GRID2: variants seen among roughly 807,000 people sequenced by gnomAD.
GRID2 encodes the protein glutamate ionotropic receptor delta type subunit 2, also known as glutamate receptor ionotropic, delta-2.
Under a neutral mutation model 114.8 loss-of-function variants are expected in GRID2, and 33 were observed. That is an observed-to-expected ratio of 0.29 (90% CI 0.22 to 0.38). The LOEUF is 0.38. Among genes scored for constraint, GRID2 ranks in the 10% least tolerant of loss-of-function variants. The pLI is 1.00. For synonymous variants in GRID2, 505 were observed against 449.9 expected (o/e 1.12, Z -1.55); for missense variants, 1,184 against 1,257.7 (o/e 0.94, Z 0.89).
chr4:92,502,705 C>CTTTTTTTTTTT (rs70940901), intron 1 of GRID2, among the ~76,000 whole-genome samples: 1 of 63,942 alleles, frequency 1.6e-5, no homozygotes, highest in Non-Finnish European at 2.7e-5. Context: ...CATGTGATTT[C>CTTTTTTTTTTT]TTTTTTTTTT....
intron 2 of GRID2, among the ~76,000 whole-genome samples, chr4:93,066,134 A>G (rs1046816725): frequency 1.3e-5 from 2 of 151,940 alleles, no homozygotes; most frequent in Non-Finnish European, 2.9e-5. Context: ...CAGAGCATAC[A>G]CATGTAACCA....
At chr4:93,569,153 C>T (rs1230800798) in intron 13 of GRID2, among the ~76,000 whole-genome samples, 1 of 152,144 alleles carries the variant, frequency 6.6e-6, no homozygotes, top group African/African-American at 2.4e-5. Context: ...CATCACTTAT[C>T]CAGAGTCCCC....
At chr4:93,129,351 TTTTGTTTG>T (rs199611126) in intron 4 of GRID2, among the ~76,000 whole-genome samples, 1 of 152,142 alleles carries the variant, frequency 6.6e-6, no homozygotes, top group Non-Finnish European at 1.5e-5. Context: ...ATACTGTTTT[TTTTGTTTG>T]TTTGTTTGTT....
intron 2 of GRID2, among the ~76,000 whole-genome samples, chr4:92,603,116 C>A (rs1186650431): frequency 2.6e-5 from 4 of 152,080 alleles, no homozygotes; most frequent in Admixed American, 6.6e-5. Context: ...ATGAAAATGG[C>A]CATACTGCTC....
At chr4:93,707,518 T>G (rs1381219131) in intron 14 of GRID2, among the ~76,000 whole-genome samples, 1 of 151,990 alleles carries the variant, frequency 6.6e-6, no homozygotes, top group East Asian at 1.9e-4. Context: ...CTAATAATCT[T>G]TTGAATTTCT....
At chr4:93,672,243 G>A (rs1436233685) in intron 14 of GRID2, among the ~76,000 whole-genome samples, 1 of 152,122 alleles carries the variant, frequency 6.6e-6, no homozygotes. Flanking sequence ...TGGGCCAATG[G>A]ATCACTTGTC....
At chr4:93,100,306 A>G (rs1158685741) in intron 3 of GRID2, among the ~76,000 whole-genome samples, 1 of 151,890 alleles carries the variant, frequency 6.6e-6, no homozygotes, top group Non-Finnish European at 1.5e-5. Context: ...CACTGTTGCC[A>G]GATCGTGTCA....
At chr4:93,200,305 G>A (rs1741939543) in intron 4 of GRID2, among the ~76,000 whole-genome samples, 1 of 152,164 alleles carries the variant, frequency 6.6e-6, no homozygotes. Flanking sequence ...GGTGGCTCAC[G>A]CCTGTAATCC....
intron 14 of GRID2, among the ~76,000 whole-genome samples, chr4:93,693,842 T>C (rs1047096021): frequency 6.6e-6 from 1 of 152,178 alleles, no homozygotes; most frequent in African/African-American, 2.4e-5. Context: ...TTATTTACTG[T>C]AAAGCAAAAC....
Position 92,740,697 on chromosome 4 carries a change from TAGATAGATAGATAGATAGATA to T in GRID2, c.244+150412_244+150432del, listed in dbSNP as rs1736837819. ...CATAGATAGATAGATAGATGATAGA[TAGATAGATAGATAGATAGATA>T]GATAGATAGATAGATAGATAGATGG... On this transcript the variant is annotated intron_variant, in intron 2 of 15. Transcript: ENST00000282020. Among the ~76,000 whole-genome samples, 45 of 99,808 alleles carry T rather than the reference TAGATAGATAGATAGATAGATA, an allele frequency of 4.5e-4. 1 individual carries two copies. Among genetic ancestry groups the T allele is most frequent in the South Asian group, 8.1e-4 (3 of 3,706 alleles). The allele number at this position is 99,808 out of a possible 152,430, so 65.5% of individuals were successfully genotyped here.
chr4:92,497,856 C>T (rs1241310835), intron 1 of GRID2, among the ~76,000 whole-genome samples: 2 of 151,688 alleles, frequency 1.3e-5, no homozygotes, highest in Non-Finnish European at 1.5e-5. Context: ...GTAAAAGGAT[C>T]GTGCCATATG....
chr4:92,325,626 A>G (rs1726551916), intron 1 of GRID2, among the ~76,000 whole-genome samples: 1 of 151,866 alleles, frequency 6.6e-6, no homozygotes, highest in African/African-American at 2.4e-5. Context: ...TATTAGTTTA[A>G]CATGACAGAA....
intron 2 of GRID2, among the ~76,000 whole-genome samples, chr4:92,736,385 A>T (rs1271347312): frequency 1.3e-5 from 2 of 152,142 alleles, no homozygotes; most frequent in Non-Finnish European, 2.9e-5. Flanking sequence ...TTCTGATTTG[A>T]GATATAGCAT....
rs1173439008 is a variant in GRID2 at position 93,522,889 on chromosome 4, T to C, written c.2193+7478T>C. ...GAAGACTTGAGACTGAAAAAGAAAG[T>C]ACTGGAAAGAGATGCTTATGTGAAT... On this transcript the variant is annotated intron_variant, in intron 13 of 15. Coordinates refer to ENST00000282020, the MANE Select transcript of GRID2 (RefSeq NM_001510.4). Among the ~76,000 whole-genome samples the C allele has an allele frequency of 1.3e-5, 2 of 151,996 alleles. 1 individual carries two copies. The highest frequency in any genetic ancestry group is 4.8e-5 in the African/African-American group (2 of 41,390).
At chr4:93,096,310 A>G (rs113074283) in intron 3 of GRID2, among the ~76,000 whole-genome samples, 3,357 of 152,164 alleles carry the variant, frequency 0.022, 44 homozygotes, top group Non-Finnish European at 0.035. Flanking sequence ...CAGGATATAT[A>G]AAGATTTCTT....
intron 2 of GRID2, among the ~76,000 whole-genome samples, chr4:92,995,835 T>A (rs1755164300): frequency 6.6e-6 from 1 of 152,196 alleles, no homozygotes; most frequent in Admixed American, 6.5e-5. Flanking sequence ...TGGGCTTGAT[T>A]AAAAATGCAA....
chr4:92,435,431 A>G (rs1479218450), intron 1 of GRID2, among the ~76,000 whole-genome samples: 1 of 152,198 alleles, frequency 6.6e-6, no homozygotes, highest in African/African-American at 2.4e-5. Context: ...AGAATGTGCT[A>G]CAAGTGTCAT....
intron 2 of GRID2, among the ~76,000 whole-genome samples, chr4:92,781,306 A>G (rs778965208): frequency 3.9e-5 from 6 of 152,100 alleles, no homozygotes; most frequent in East Asian, 3.9e-4. Context: ...TGCCATGGCT[A>G]TTAAGCAAAA....
At chr4:93,591,606 T>G (rs141118140) in intron 13 of GRID2, among the ~76,000 whole-genome samples, 33,501 of 150,870 alleles carry the variant, frequency 0.22, 4,062 homozygotes, top group Middle Eastern at 0.35. Context: ...TTTTTCTATT[T>G]ATTGGAATAG....
Sources: gnomAD v4.1 joint callset for allele counts (sites outside exome capture counted in the v4.1 genomes callset) on GRCh38, gnomAD v4.1.1 for gene constraint, MANE v1.5 for transcripts, NCBI Gene and HGNC (gene_info 2026-07-23, HGNC 2026-07-21) for gene names.